MACROD2: variants seen among roughly 807,000 people sequenced by gnomAD.
MACROD2 encodes the protein ADP-ribose glycohydrolase MACROD2.
In MACROD2, 36 loss-of-function variants were observed where a neutral mutation model predicts 70.4. The observed-to-expected ratio is 0.51, with a 90% CI of 0.39 to 0.68. The LOEUF (loss-of-function observed/expected upper bound fraction) is 0.68. Among genes scored for constraint, MACROD2 ranks in the 30% least tolerant of loss-of-function variants. The pLI is 0.00. For synonymous variants in MACROD2, 172 were observed against 178.8 expected (o/e 0.96, Z 0.30); for missense variants, 496 against 538.4 (o/e 0.92, Z 0.78).
intron 6 of MACROD2, among the ~76,000 whole-genome samples, chr20:15,234,627 C>G (rs1342815525): frequency 6.6e-6 from 1 of 152,012 alleles, no homozygotes; most frequent in Non-Finnish European, 1.5e-5. Flanking sequence ...ATGTTGATTT[C>G]TAGAACAACA....
At chr20:14,128,080 T>A (rs2148697059) in intron 3 of MACROD2, 1 of 557,120 alleles carries the variant, frequency 1.8e-6, no homozygotes, top group South Asian at 1.4e-5. Context: ...AGGGGAGTAT[T>A]ATCTCAAGCA....
chr20:15,196,743 G>T (rs2076609446), intron 5 of MACROD2: 1 of 336,038 alleles, frequency 3.0e-6, no homozygotes, highest in Admixed American at 6.5e-5. Flanking sequence ...AAACTGTGAA[G>T]AAGGTACAAT....
chr20:14,555,291 TC>T (rs1264363333), intron 4 of MACROD2, among the ~76,000 whole-genome samples: 1 of 151,864 alleles, frequency 6.6e-6, no homozygotes, highest in Non-Finnish European at 1.5e-5. Flanking sequence ...AAATTAGAAT[TC>T]CCCCAAATTC....
chr20:15,178,383 T>G (rs2076477189), intron 5 of MACROD2, among the ~76,000 whole-genome samples: 1 of 152,220 alleles, frequency 6.6e-6, no homozygotes, highest in African/African-American at 2.4e-5. Context: ...CTTTAATGAC[T>G]ATGAGGTATT....
intron 3 of MACROD2, among the ~76,000 whole-genome samples, chr20:14,283,461 C>G (rs924373961): frequency 1.3e-5 from 2 of 152,086 alleles, no homozygotes; most frequent in Non-Finnish European, 2.9e-5. Context: ...ATGAACATCT[C>G]CACTTCCTGT....
At chr20:15,263,904 T>A (rs2077270419) in intron 6 of MACROD2, among the ~76,000 whole-genome samples, 1 of 152,152 alleles carries the variant, frequency 6.6e-6, no homozygotes, top group South Asian at 2.1e-4. Context: ...TTTACTGAAT[T>A]TGTTTATCAG....
chr20:14,862,442 T>TAAATATATATAAATATATATAA lies in MACROD2; in HGVS notation c.418+177484_418+177485insAATATATATAAATATATATAAA, dbSNP rs1568840434. Among the ~76,000 whole-genome samples, 23 of 5,196 alleles carry TAAATATATATAAATATATATAA rather than the reference T, an allele frequency of 4.4e-3. 6 individuals are homozygous for TAAATATATATAAATATATATAA. The highest frequency in any genetic ancestry group is 9.2e-3 in the Non-Finnish European group (19 of 2,062). The allele number at this position is 5,196 out of a possible 152,430, so 3.4% of individuals were successfully genotyped here. ...AAATATATATATAAATATATATAAA[T>TAAATATATATAAATATATATAA]ATATATATAAATATATATAAATATA... On this transcript the variant is annotated intron_variant, in intron 5 of 17. Coordinates refer to ENST00000684519, the MANE Select transcript of MACROD2 (RefSeq NM_001351661.2).
chr20:15,759,532 A>G (rs181041816), intron 8 of MACROD2, among the ~76,000 whole-genome samples: 5 of 152,256 alleles, frequency 3.3e-5, no homozygotes, highest in African/African-American at 1.2e-4. Context: ...AGGTGCTCAG[A>G]TAGATACTGG....
chr20:15,678,429 G>A (rs540541138), intron 8 of MACROD2, among the ~76,000 whole-genome samples: 230 of 151,342 alleles, frequency 1.5e-3, no homozygotes, highest in Non-Finnish European at 2.5e-3. Context: ...GCATGATCTC[G>A]GCTCACTGCA....
At chr20:14,057,327 GA>G (rs2053642003) in intron 2 of MACROD2, among the ~76,000 whole-genome samples, 1 of 152,078 alleles carries the variant, frequency 6.6e-6, no homozygotes, top group South Asian at 2.1e-4. Flanking sequence ...ACTGATAAGA[GA>G]AAAACAAAAC....
intron 3 of MACROD2, among the ~76,000 whole-genome samples, chr20:14,214,083 C>T (rs2081593628): frequency 6.6e-6 from 1 of 151,928 alleles, no homozygotes; most frequent in South Asian, 2.1e-4. Flanking sequence ...TAAAGTAGAC[C>T]AAAGTTAAGG....
At chr20:15,916,447 T>G (rs966537304) in intron 10 of MACROD2, among the ~76,000 whole-genome samples, 9 of 152,192 alleles carry the variant, frequency 5.9e-5, no homozygotes, top group African/African-American at 2.2e-4. Context: ...CCCTAAACCC[T>G]GCATACACGC....
intron 2 of MACROD2, among the ~76,000 whole-genome samples, chr20:14,022,931 T>C (rs547785506): frequency 2.0e-5 from 3 of 152,368 alleles, no homozygotes; most frequent in Admixed American, 6.5e-5. Context: ...GAATGACTTA[T>C]AATCCTTTGG....
At chr20:14,629,954 TCTA>T (rs750895468) in intron 4 of MACROD2, among the ~76,000 whole-genome samples, 9,296 of 141,844 alleles carry the variant, frequency 0.066, 345 homozygotes, top group African/African-American at 0.094. Flanking sequence ...TGTGCTAAGG[TCTA>T]TCTATCTATC....
chr20:15,748,403 T>TTTA (rs1444488487), intron 8 of MACROD2, among the ~76,000 whole-genome samples: 2 of 152,020 alleles, frequency 1.3e-5, no homozygotes, highest in East Asian at 3.9e-4. Flanking sequence ...TTTCTTTCTC[T>TTTA]TTATTTTTTT....
At chr20:15,024,681 T>C (rs2122977039) in intron 5 of MACROD2, among the ~76,000 whole-genome samples, 1 of 152,166 alleles carries the variant, frequency 6.6e-6, no homozygotes, top group East Asian at 1.9e-4. Flanking sequence ...AATACAAAGT[T>C]AACTTCTTTA....
intron 4 of MACROD2, chr20:14,547,207 A>T: frequency 1.9e-6 from 1 of 523,126 alleles, no homozygotes; most frequent in Non-Finnish European, 2.8e-6. Context: ...ATAGGATGTA[A>T]GCAGTGCTGC....
intron 3 of MACROD2, chr20:14,128,082 T>G (rs1415751040): frequency 1.8e-6 from 1 of 555,798 alleles, no homozygotes; most frequent in African/African-American, 1.9e-5. Context: ...GGGAGTATTA[T>G]CTCAAGCAGT....
At chr20:14,117,535 A>T (rs1300524372) in intron 3 of MACROD2, among the ~76,000 whole-genome samples, 7 of 152,144 alleles carry the variant, frequency 4.6e-5, no homozygotes, top group African/African-American at 1.7e-4. Flanking sequence ...GACCTTCTAG[A>T]GTTGTTTATA....
Sources: allele counts gnomAD v4.1 joint callset (sites outside exome capture counted in the v4.1 genomes callset), GRCh38; gene constraint gnomAD v4.1.1; transcripts MANE v1.5; gene names NCBI Gene and HGNC (gene_info 2026-07-23, HGNC 2026-07-21).